RALGAPB: variants seen among roughly 807,000 people sequenced by gnomAD.
The protein encoded by RALGAPB is ral GTPase-activating protein subunit beta.
A neutral mutation model predicts 161.1 loss-of-function variants in RALGAPB; 25 were observed. The ratio of observed to expected loss-of-function variants is 0.16; its 90% confidence interval spans 0.11 to 0.22. RALGAPB has a LOEUF of 0.22. Among genes scored for constraint, RALGAPB ranks in the 10% least tolerant of loss-of-function variants. The pLI, the probability that RALGAPB is intolerant of heterozygous loss-of-function variation, is 1.00. For synonymous variants in RALGAPB, 629 were observed against 626.1 expected, an observed-to-expected ratio of 1.00 and a Z score of -0.07; for missense variants, 1,391 against 1,815.2, an observed-to-expected ratio of 0.77 and a Z score of 4.25.
At position 38,522,743 on chromosome 20, in the gene RALGAPB, C is replaced by T. The variant is rs368384780; in HGVS notation, c.1619+1045C>T. 1.3e-4 allele frequency among the ~76,000 whole-genome samples: 20 copies of T among 152,224 alleles called. 1 individual carries two copies. The highest frequency in any genetic ancestry group is 3.4e-3 in the Middle Eastern group (1 of 294). On this transcript the variant is annotated intron_variant, in intron 10 of 29. Transcript: ENST00000262879. The stretch of plus-strand genomic sequence containing the variant: ...AAATAGGCAGGGTTATCATAACTAT[C>T]GGCGCTTGGTTTAAGCAACAGAAAC...
chr20:38,572,957 T>A (rs915361121), intron 28 of RALGAPB, among the ~76,000 whole-genome samples: 1 of 152,190 alleles, frequency 6.6e-6, no homozygotes, highest in Non-Finnish European at 1.5e-5. Context: ...TCTGGAACAG[T>A]CCTTTTTTCT....
chr20:38,507,688 T>C (rs2085804463), intron 5 of RALGAPB, among the ~76,000 whole-genome samples: 1 of 151,918 alleles, frequency 6.6e-6, no homozygotes. Flanking sequence ...CAGCGTTGTT[T>C]TTTTGTTTTT....
intron 23 of RALGAPB, among the ~76,000 whole-genome samples, chr20:38,559,198 T>G (rs1333675918): frequency 6.6e-6 from 1 of 152,184 alleles, no homozygotes; most frequent in African/African-American, 2.4e-5. Context: ...AAAGTTAAAG[T>G]AAGGCTCAAG....
chr20:38,559,449 C>CT (rs1219483521), intron 23 of RALGAPB, among the ~76,000 whole-genome samples: 1 of 152,232 alleles, frequency 6.6e-6, no homozygotes, highest in African/African-American at 2.4e-5. Flanking sequence ...AATCCCAGCA[C>CT]TTTGGGAGGC....
intron 22 of RALGAPB, 79 bp downstream of exon 22, chr20:38,554,155 G>T: frequency 7.9e-7 from 1 of 1,259,854 alleles, no homozygotes. Flanking sequence ...ATTTTTATCA[G>T]GATAGAAGCG....
chr20:38,517,246 C>G (rs1411675848), intron 7 of RALGAPB, among the ~76,000 whole-genome samples: 1 of 152,164 alleles, frequency 6.6e-6, no homozygotes, highest in Non-Finnish European at 1.5e-5. Flanking sequence ...TCACCAACTT[C>G]TTTATGGTCA....
intron 2 of RALGAPB, among the ~76,000 whole-genome samples, chr20:38,490,295 A>G (rs1478924194): frequency 2.7e-5 from 4 of 150,414 alleles, no homozygotes; most frequent in African/African-American, 9.8e-5. Flanking sequence ...TGCAAGCTCC[A>G]CTTCCCGGGT....
intron 3 of RALGAPB, among the ~76,000 whole-genome samples, chr20:38,494,532 G>C (rs2085363851): frequency 6.6e-6 from 1 of 151,656 alleles, no homozygotes; most frequent in South Asian, 2.1e-4. Flanking sequence ...ATGGGAGGCC[G>C]AGGCAGGAGA....
chr20:38,504,344 A>C (rs772998412), intron 5 of RALGAPB, among the ~76,000 whole-genome samples: 3 of 152,228 alleles, frequency 2.0e-5, no homozygotes, highest in Non-Finnish European at 4.4e-5. Flanking sequence ...AGGACTCTCT[A>C]TTCAATAAAT....
At chr20:38,571,129 T>C (rs1225214977) in intron 28 of RALGAPB, among the ~76,000 whole-genome samples, 2 of 152,178 alleles carry the variant, frequency 1.3e-5, no homozygotes, top group African/African-American at 2.4e-5. Flanking sequence ...TATATATGCA[T>C]GAAACCATCA....
At chr20:38,548,572 A>G in intron 19 of RALGAPB, 117 bp from the exon 20 acceptor site, 1 of 792,088 alleles carries the variant, frequency 1.3e-6, no homozygotes, top group Non-Finnish European at 2.0e-6. Context: ...ACAAAAGATC[A>G]AAGCTTAGGA....
chr20:38,496,132 G>C (rs1447938276), intron 3 of RALGAPB, among the ~76,000 whole-genome samples: 1 of 152,100 alleles, frequency 6.6e-6, no homozygotes. Flanking sequence ...ACCTTTAGCT[G>C]AATGTGGAAC....
chr20:38,555,970 A>G (rs2087573626), intron 22 of RALGAPB, among the ~76,000 whole-genome samples: 2 of 152,302 alleles, frequency 1.3e-5, no homozygotes, highest in African/African-American at 2.4e-5. Context: ...GAACTTAGCA[A>G]TTAATTACCA....
chr20:38,500,486 G>A lies in RALGAPB; in HGVS notation c.740+853G>A, dbSNP rs190919538. On this transcript the variant is annotated intron_variant, in intron 5 of 29. Transcript: ENST00000262879. ...ATGGTGAACTTAACTGATCAATGTTGTTTGTGTTCTGACAGCTCCACTGAC... is the reference window on the plus strand; with the variant it reads ...ATGGTGAACTTAACTGATCAATGTTATTTGTGTTCTGACAGCTCCACTGAC... 1.6e-4 allele frequency among the ~76,000 whole-genome samples: 24 copies of A among 152,254 alleles called. 1 individual carries two copies. The highest frequency in any genetic ancestry group is 5.5e-4 in the African/African-American group (23 of 41,540).
chr20:38,545,391 G>A (rs182013417), intron 18 of RALGAPB, among the ~76,000 whole-genome samples: 131 of 152,146 alleles, frequency 8.6e-4, no homozygotes, highest in African/African-American at 2.9e-3. Context: ...TATCAGATAG[G>A]TACCATTATT....
chr20:38,486,865 T>G (rs1043369219), intron 1 of RALGAPB, among the ~76,000 whole-genome samples: 12 of 152,216 alleles, frequency 7.9e-5, no homozygotes, highest in African/African-American at 2.9e-4. Flanking sequence ...CTGGTAAACC[T>G]TGACACTCTC....
intron 19 of RALGAPB, chr20:38,547,758 A>G (rs1353113139): frequency 6.6e-6 from 1 of 152,178 alleles, no homozygotes; most frequent in African/African-American, 2.4e-5. Context: ...TGCTACTCCC[A>G]AGTCTTTTCT....
rs531899350 is a variant in RALGAPB at position 38,515,756 on chromosome 20, G to A, written c.873-436G>A. 6.0e-5 allele frequency among the ~76,000 whole-genome samples: 9 copies of A among 151,050 alleles called. No homozygotes were observed. In the South Asian group the frequency reaches 6.3e-4, roughly 11 times the overall value. On this transcript the variant is annotated intron_variant, in intron 6 of 29. Transcript: ENST00000262879. ...CTTTTTTTCTTTTTTTCCTGAGATG[G>A]CATGTTGCTCTGTTGCTCAGGCTGG...
intron 23 of RALGAPB, among the ~76,000 whole-genome samples, chr20:38,560,031 T>C (rs559697337): frequency 6.6e-6 from 1 of 152,154 alleles, no homozygotes; most frequent in Non-Finnish European, 1.5e-5. Flanking sequence ...TACCAAAGTT[T>C]CCAAATGTTT....
Sources: allele counts gnomAD v4.1 joint callset (sites outside exome capture counted in the v4.1 genomes callset), GRCh38; gene constraint gnomAD v4.1.1; transcripts MANE v1.5; gene names NCBI Gene and HGNC (gene_info 2026-07-23, HGNC 2026-07-21).